Variants in SDK1 observed in about 807,000 individuals in gnomAD.
SDK1 encodes protein sidekick-1.
SDK1 carries 157 observed loss-of-function variants against 245.5 expected under a neutral mutation model. That is an observed-to-expected ratio of 0.64 (90% CI 0.56 to 0.73). SDK1 has a LOEUF of 0.73. Among genes scored for constraint, SDK1 ranks in the 30% least tolerant of loss-of-function variants. The pLI, the probability that SDK1 is intolerant of heterozygous loss-of-function variation, is 0.00. For missense variants in SDK1, 3,583 were observed against 3,002.3 expected (o/e 1.19, Z -4.52); for synonymous variants, 1,647 against 1,278.5 (o/e 1.29, Z -6.15).
intron 17 of SDK1, among the ~76,000 whole-genome samples, chr7:4,025,245 T>C (rs1417988057): frequency 6.6e-6 from 1 of 152,230 alleles, no homozygotes; most frequent in Non-Finnish European, 1.5e-5. Context: ...CACTGTTTGG[T>C]TTGACTGATT....
chr7:3,576,259 C>T (rs1019304118), intron 1 of SDK1, among the ~76,000 whole-genome samples: 3 of 152,126 alleles, frequency 2.0e-5, no homozygotes, highest in Non-Finnish European at 4.4e-5. Flanking sequence ...AAATAGGCTC[C>T]TTGGCGTCAC....
chr7:3,679,913 C>T (rs2114982126), intron 4 of SDK1, among the ~76,000 whole-genome samples: 1 of 152,252 alleles, frequency 6.6e-6, no homozygotes, highest in East Asian at 1.9e-4. Context: ...AGCATTTATC[C>T]ACAGAAATGA....
rs139058283 is a variant in SDK1 at position 4,079,551 on chromosome 7, A to G, written c.3291A>G (p.Lys1097=). ...AGTTCCGGCCAGGCTATGACGGGAA[A>G]ACGTCCATCTCCAGGTGGATTGTTG... The part of the protein sequence containing the change: ...TLQFRPGYDG[K]TSISRWIVEG... The change falls in exon 22 of 45, where the codon AAA becomes AAG. Residue 1097 remains lysine (K), a synonymous_variant. Coordinates refer to ENST00000404826, the MANE Select transcript of SDK1 (RefSeq NM_152744.4). 2 of 1,614,198 alleles carry G rather than the reference A, an allele frequency of 1.2e-6. No homozygotes were observed. The highest frequency in any genetic ancestry group is 1.7e-5 in the Admixed American group (1 of 60,022).
At chr7:4,173,264 C>T (rs952710902) in intron 32 of SDK1, among the ~76,000 whole-genome samples, 3 of 152,222 alleles carry the variant, frequency 2.0e-5, no homozygotes, top group Non-Finnish European at 4.4e-5. Flanking sequence ...GGAGGCTCAG[C>T]ACCCAGATGA....
intron 1 of SDK1, among the ~76,000 whole-genome samples, chr7:3,421,977 T>A (rs977536829): frequency 6.6e-6 from 1 of 152,096 alleles, no homozygotes; most frequent in Admixed American, 6.6e-5. Flanking sequence ...GTGAGATTCT[T>A]GGAAATGTAA....
chr7:3,970,758 G>C (rs1782429657), intron 11 of SDK1, among the ~76,000 whole-genome samples: 1 of 152,202 alleles, frequency 6.6e-6, no homozygotes, highest in African/African-American at 2.4e-5. Flanking sequence ...AGCATTCCCT[G>C]CCATAGCCAG....
chr7:3,312,889 G>A (rs770576604), intron 1 of SDK1, among the ~76,000 whole-genome samples: 7 of 152,136 alleles, frequency 4.6e-5, no homozygotes, highest in Non-Finnish European at 7.4e-5. Flanking sequence ...TTCAAGAACC[G>A]TAGTAAACCC....
chr7:4,179,495 A>G (rs1054351261), intron 35 of SDK1, among the ~76,000 whole-genome samples: 3 of 152,154 alleles, frequency 2.0e-5, no homozygotes, highest in Non-Finnish European at 2.9e-5. Flanking sequence ...GAACCAATCA[A>G]TAGCACCAAG....
intron 17 of SDK1, among the ~76,000 whole-genome samples, chr7:4,041,113 C>A (rs930117456): frequency 6.6e-6 from 1 of 152,140 alleles, no homozygotes; most frequent in African/African-American, 2.4e-5. Flanking sequence ...CAAACAAATT[C>A]ACAGATGAGA....
intron 1 of SDK1, among the ~76,000 whole-genome samples, chr7:3,462,426 C>T (rs1235899689): frequency 6.6e-6 from 1 of 152,168 alleles, no homozygotes; most frequent in Non-Finnish European, 1.5e-5. Context: ...AGTTCTGTTC[C>T]ATTCTCAACC....
chr7:3,632,129 T>G (rs947134602), intron 2 of SDK1, among the ~76,000 whole-genome samples: 13 of 152,220 alleles, frequency 8.5e-5, no homozygotes, highest in Non-Finnish European at 1.5e-4. Flanking sequence ...ATGTCCTCTT[T>G]CCTGAAGGTT....
At chr7:3,382,308 A>G (rs761982387) in intron 1 of SDK1, among the ~76,000 whole-genome samples, 8 of 152,134 alleles carry the variant, frequency 5.3e-5, no homozygotes, top group South Asian at 2.1e-4. Flanking sequence ...CCTAGGCTCA[A>G]AGAACTTAAC....
At chr7:3,364,006 T>C (rs890591307) in intron 1 of SDK1, among the ~76,000 whole-genome samples, 1 of 152,270 alleles carries the variant, frequency 6.6e-6, no homozygotes, top group African/African-American at 2.4e-5. Flanking sequence ...GAGATGTATG[T>C]GGTGATACCT....
At chr7:3,903,149 G>GTT (rs79544680) in intron 5 of SDK1, among the ~76,000 whole-genome samples, 27,717 of 142,260 alleles carry the variant, frequency 0.19, 2,864 homozygotes, top group Middle Eastern at 0.33. Flanking sequence ...TTTTTGTTTT[G>GTT]TTTTTTTTTT....
At chr7:4,109,022 G>A (rs1215886125) in intron 22 of SDK1, among the ~76,000 whole-genome samples, 1 of 152,156 alleles carries the variant, frequency 6.6e-6, no homozygotes, top group Non-Finnish European at 1.5e-5. Context: ...TCCTTTCTAT[G>A]GCTGAATCCT....
chr7:4,261,091 C>A (rs956300789), intron 44 of SDK1, among the ~76,000 whole-genome samples: 1 of 152,136 alleles, frequency 6.6e-6, no homozygotes, highest in Non-Finnish European at 1.5e-5. Flanking sequence ...CAGCCTGTGT[C>A]CCCAAATCCC....
chr7:3,674,690 C>T (rs935940365), intron 4 of SDK1, among the ~76,000 whole-genome samples: 1 of 152,146 alleles, frequency 6.6e-6, no homozygotes, highest in African/African-American at 2.4e-5. Context: ...ATAACTGGCT[C>T]TTGGCAGGGA....
Position 3,969,392 on chromosome 7 carries a change from C to T in SDK1, c.1682C>T (p.Ser561Phe), listed in dbSNP as rs763803540. 1.2e-6 allele frequency: 2 copies of T among 1,605,840 alleles called. No homozygotes were observed. The highest frequency in any genetic ancestry group is 1.7e-6 in the Non-Finnish European group (2 of 1,176,162). Residue 561 changes from serine to phenylalanine, a missense_variant, in exon 11 of 45, where the codon TCC (serine) becomes TTC (phenylalanine). Ser to Phe is a radical substitution (Grantham distance 155). Transcript: ENST00000404826. ...TGCTATGCGGCCAACACAGAGGGCT[C>T]CCTGAATGCATCGGCCACGCTCACT... is the stretch of plus-strand genomic sequence containing the variant. ...YTCYAANTEG[S>F]LNASATLTVW...
At chr7:4,213,596 A>G (rs1265697253) in intron 38 of SDK1, among the ~76,000 whole-genome samples, 23 of 151,750 alleles carry the variant, frequency 1.5e-4, no homozygotes, top group Non-Finnish European at 1.6e-4. Context: ...AAAAAAAAAA[A>G]CCAGTACTTC....
Sources: allele counts gnomAD v4.1 joint callset (sites outside exome capture counted in the v4.1 genomes callset), GRCh38; gene constraint gnomAD v4.1.1; transcripts MANE v1.5; gene names NCBI Gene and HGNC (gene_info 2026-07-23, HGNC 2026-07-21).